The following TMEM150B variants were observed in gnomAD, a reference collection of about 807,000 sequenced individuals.
The protein encoded by TMEM150B is modulator of macroautophagy TMEM150B.
TMEM150B carries 33 observed loss-of-function variants against 25.2 expected under a neutral mutation model. The ratio of observed to expected loss-of-function variants is 1.31; its 90% CI spans 0.99 to 1.75. TMEM150B has a LOEUF of 1.75. Ranked by LOEUF, TMEM150B falls within the 40% of genes most tolerant of loss-of-function variation. TMEM150B has a pLI of 0.00. For synonymous variants in TMEM150B, 133 were observed against 134.8 expected (o/e 0.99, Z 0.09); for missense variants, 322 against 306.1 (o/e 1.05, Z -0.39).
chr19:55,312,740 G>A, downstream of TMEM150B: 5 of 1,169,436 alleles, frequency 4.3e-6, no homozygotes, highest in East Asian at 2.6e-5. Context: ...GTCAGTCAGC[G>A]GCAGCCCCAG....
At chr19:55,309,588 G>T (rs1015890689), downstream of TMEM150B, among the ~76,000 whole-genome samples, 2 of 152,166 alleles carry the variant, frequency 1.3e-5, no homozygotes, top group African/African-American at 2.4e-5. Flanking sequence ...GGCAGAAGGG[G>T]CAAGGGAACT....
At chr19:55,323,301 G>A (rs1464188315) in intron 1 of TMEM150B, among the ~76,000 whole-genome samples, 6 of 151,736 alleles carry the variant, frequency 4.0e-5, no homozygotes, top group Non-Finnish European at 7.4e-5. Flanking sequence ...GTGTGGTGGC[G>A]GGAGCCTGTA....
rs1569002500 is a variant in TMEM150B at position 55,320,083 on chromosome 19, C to T, written c.280G>A (p.Gly94Ser). ...RWPNQLILWT[G>S]LLCALGTSVV... ...GAGGTGCCCAGGGCACACAGAAGAC[C>T]CGTCCATAGGATCAGCTGGTTAGGC... is the stretch of plus-strand genomic sequence containing the variant. The change falls in exon 6 of 8, where the codon GGT (glycine) becomes AGT (serine). Residue 94 changes from glycine to serine, a missense_variant. Coordinates refer to ENST00000326652, the MANE Select transcript of TMEM150B (RefSeq NM_001282011.2). 1 of 1,614,032 alleles carries T rather than the reference C, an allele frequency of 6.2e-7. No individual in the cohort carries two copies. The highest frequency in any genetic ancestry group is 1.7e-5 in the Admixed American group (1 of 59,998).
chr19:55,313,329 T>A (rs1263480304), intron 7 of TMEM150B, among the ~76,000 whole-genome samples: 1 of 152,158 alleles, frequency 6.6e-6, no homozygotes, highest in Non-Finnish European at 1.5e-5. Context: ...CTCCCTTCCC[T>A]GACCCAGGGA....
intron 1 of TMEM150B, among the ~76,000 whole-genome samples, chr19:55,322,944 GA>G (rs2048490232): frequency 6.6e-6 from 1 of 151,940 alleles, no homozygotes; most frequent in Admixed American, 6.6e-5. Flanking sequence ...TCCTCCCCTG[GA>G]CTCAGATCGG....
intron 6 of TMEM150B, among the ~76,000 whole-genome samples, chr19:55,317,482 C>CA: frequency 6.6e-6 from 1 of 152,054 alleles, no homozygotes; most frequent in Middle Eastern, 3.4e-3. Flanking sequence ...CTCGTCTCTA[C>CA]AAAAAATACA....
At chr19:55,323,305 G>A (rs547172612) in intron 1 of TMEM150B, among the ~76,000 whole-genome samples, 2 of 151,994 alleles carry the variant, frequency 1.3e-5, no homozygotes, top group South Asian at 2.1e-4. Context: ...GGTGGCGGGA[G>A]CCTGTAATCC....
chr19:55,314,974 G>A (rs918945292), intron 7 of TMEM150B, among the ~76,000 whole-genome samples: 1 of 152,064 alleles, frequency 6.6e-6, no homozygotes, highest in African/African-American at 2.4e-5. Context: ...CCCCAAGGCT[G>A]GGTTTTCAGC....
chr19:55,314,711 G>C (rs2088939234), intron 7 of TMEM150B, among the ~76,000 whole-genome samples: 1 of 152,070 alleles, frequency 6.6e-6, no homozygotes, highest in Non-Finnish European at 1.5e-5. Context: ...CACCATCAGG[G>C]CCCCTGCAAA....
chr19:55,320,554 T>C lies in TMEM150B; in HGVS notation c.128+4A>G. ...CCCAAATCCCTACCCTCGGGCAGAA[T>C]TACCTGATGTAGGGAAAGCCTTTAC... On this transcript the variant is annotated splice_donor_region_variant and intron_variant, in intron 4 of 7. Transcript: ENST00000326652. The C allele has an allele frequency of 6.2e-7, 1 of 1,614,000 alleles. No individual in the cohort carries two copies. Among genetic ancestry groups the C allele is most frequent in the Non-Finnish European group, 8.5e-7 (1 of 1,179,912 alleles).
intron 7 of TMEM150B, 24 bp from the exon 8 acceptor site, chr19:55,313,079 C>G (rs774237328): frequency 4.7e-5 from 75 of 1,592,510 alleles, no homozygotes; most frequent in Non-Finnish European, 6.2e-5. Flanking sequence ...AAGGGCCACA[C>G]TGCTACCGTG....
At chr19:55,321,233 C>T in intron 2 of TMEM150B, 140 bp from the exon 3 acceptor site, 2 of 1,240,328 alleles carry the variant, frequency 1.6e-6, no homozygotes, top group African/African-American at 1.5e-5. Context: ...GCAATTTCCC[C>T]ACCTATCCCG....
chr19:55,320,207 CA>C, intron 5 of TMEM150B, 41 bp from the exon 6 acceptor site: 1 of 1,604,410 alleles, frequency 6.2e-7, no homozygotes, highest in Non-Finnish European at 8.5e-7. Context: ...GGAGACCCAC[CA>C]AGAACTCCTG....
At chr19:55,320,009 G>C in intron 6 of TMEM150B, 30 bp downstream of exon 6, 1 of 1,613,840 alleles carries the variant, frequency 6.2e-7, no homozygotes, top group Admixed American at 1.7e-5. Context: ...CGCCGGCCGG[G>C]ACAGACCCTG....
chr19:55,320,990 G>C lies in TMEM150B; in HGVS notation c.47C>G (p.Ala16Gly). 1 of 1,613,908 alleles carries C rather than the reference G, an allele frequency of 6.2e-7. No homozygotes were observed. Among genetic ancestry groups the C allele is most frequent in the Non-Finnish European group, 8.5e-7 (1 of 1,179,890 alleles). The stretch of plus-strand genomic sequence containing the variant: ...TCACACGATCCAGACGCCAGAGATA[G>C]CCCAGACAGCTAGGAAGACAGGCAT... Reference protein sequence around the residue: ...SLMPVFLAVWAISGVWIVFAI... With the variant: ...SLMPVFLAVWGISGVWIVFAI... Residue 16 changes from alanine (A) to glycine (G), a missense_variant, in exon 3 of 8, where the codon GCT (alanine) becomes GGT (glycine). Physicochemically the swap from Ala to Gly is moderately conservative, Grantham distance 60 (BLOSUM62 0). Transcript: ENST00000326652.
rs192586608 is a variant in TMEM150B, at chr19:55,321,061, G to A, written c.-25C>T. ...TGCCGGGCTCTGCAGGTGAAGGATC[G>A]GGGCTGAGGCTGGACACCTGTCTCT... On this transcript the variant is annotated 5_prime_UTR_variant, in exon 3 of 8. Transcript: ENST00000326652. 433 of 1,606,586 alleles carry A rather than the reference G, an allele frequency of 2.7e-4. No homozygotes were observed. The African/African-American group carries it at 4.5e-3, about 17-fold the overall frequency.
At chr19:55,321,381 T>C (rs2089204304) in intron 2 of TMEM150B, among the ~76,000 whole-genome samples, 1 of 151,788 alleles carries the variant, frequency 6.6e-6, no homozygotes, top group Non-Finnish European at 1.5e-5. Flanking sequence ...CTCTCCAAGA[T>C]CCCTGGGGCT....
At position 55,321,073 on chromosome 19, in the gene TMEM150B, G is replaced by A. The variant is rs1229629983; in HGVS notation, c.-37C>T. 3.8e-6 allele frequency: 6 copies of A among 1,597,234 alleles called. No homozygotes were observed. The highest frequency in any genetic ancestry group is 1.7e-5 in the Admixed American group (1 of 57,556). On this transcript the variant is annotated 5_prime_UTR_variant, in exon 3 of 8. Coordinates refer to ENST00000326652, the MANE Select transcript of TMEM150B (RefSeq NM_001282011.2). The stretch of plus-strand genomic sequence containing the variant: ...CAGGTGAAGGATCGGGGCTGAGGCT[G>A]GACACCTGTCTCTCTCACACCTGAA...
chr19:55,311,886 C>T (rs376937718), downstream of TMEM150B: 25 of 1,609,094 alleles, frequency 1.6e-5, no homozygotes, highest in African/African-American at 2.7e-5. Flanking sequence ...GCGGAACCCA[C>T]GAAAAACCTC....
Sources: gnomAD v4.1 joint callset for allele counts (sites outside exome capture counted in the v4.1 genomes callset) on GRCh38, gnomAD v4.1.1 for gene constraint, MANE v1.5 for transcripts, NCBI Gene and HGNC (gene_info 2026-07-23, HGNC 2026-07-21) for gene names.